The following XYLT1 variants were observed in gnomAD, a reference collection of about 807,000 sequenced individuals.
The protein encoded by XYLT1 is xylosyltransferase 1, also known as beta-D-xylosyltransferase 1.
Under a neutral mutation model 91.3 loss-of-function variants are expected in XYLT1, and 36 were observed. That is an observed-to-expected ratio of 0.39 (90% CI 0.30 to 0.52). XYLT1 has a LOEUF of 0.52. XYLT1 is among the 20% of genes least tolerant of loss of function. The pLI is 0.68. For missense variants in XYLT1, 1,242 were observed against 1,284.5 expected, an observed-to-expected ratio of 0.97 and a Z score of 0.51; for synonymous variants, 588 against 532.0, an observed-to-expected ratio of 1.11 and a Z score of -1.45.
intron 1 of XYLT1, among the ~76,000 whole-genome samples, chr16:17,371,348 A>T (rs1021104418): frequency 2.6e-5 from 4 of 152,226 alleles, no homozygotes; most frequent in Non-Finnish European, 5.9e-5. Context: ...ACCAAAATCA[A>T]CGGAAACCCA....
chr16:17,228,810 C>T (rs2033112846), intron 3 of XYLT1, among the ~76,000 whole-genome samples: 1 of 152,170 alleles, frequency 6.6e-6, no homozygotes. Context: ...CACTTCATAC[C>T]TGGCATTTTA....
At chr16:17,149,977 A>G (rs2031242527) in intron 6 of XYLT1, among the ~76,000 whole-genome samples, 2 of 152,080 alleles carry the variant, frequency 1.3e-5, no homozygotes, top group Non-Finnish European at 2.9e-5. Flanking sequence ...TATCTGTCCT[A>G]TTCTCTCTTC....
At chr16:17,328,861 A>C (rs1286066006) in intron 2 of XYLT1, among the ~76,000 whole-genome samples, 1 of 152,246 alleles carries the variant, frequency 6.6e-6, no homozygotes, top group Non-Finnish European at 1.5e-5. Context: ...ATTCCTTAAA[A>C]GTAAAGCTTA....
At chr16:17,448,595 T>G in intron 1 of XYLT1, among the ~76,000 whole-genome samples, 1 of 149,626 alleles carries the variant, frequency 6.7e-6, no homozygotes, top group Non-Finnish European at 1.5e-5. Flanking sequence ...AGAGGCAGAG[T>G]TGACCAGGCA....
At chr16:17,458,643 T>C (rs1318695554) in intron 1 of XYLT1, among the ~76,000 whole-genome samples, 2 of 152,152 alleles carry the variant, frequency 1.3e-5, no homozygotes, top group African/African-American at 2.4e-5. Flanking sequence ...ACTGGTTAAG[T>C]TGACATTGAC....
chr16:17,381,893 A>G (rs968807478), intron 1 of XYLT1, among the ~76,000 whole-genome samples: 15 of 152,132 alleles, frequency 9.9e-5, no homozygotes, highest in African/African-American at 3.6e-4. Flanking sequence ...GTGGCAATGG[A>G]TGTGGGCTAA....
intron 1 of XYLT1, among the ~76,000 whole-genome samples, chr16:17,379,763 T>TTTCTCACACACA (rs1555501170): frequency 1.4e-4 from 17 of 125,622 alleles, no homozygotes; most frequent in African/African-American, 3.1e-4. Context: ...TCTCTCTCTC[T>TTTCTCACACACA]CACACACACA....
chr16:17,221,207 C>T (rs548220767), intron 3 of XYLT1, among the ~76,000 whole-genome samples: 11 of 152,212 alleles, frequency 7.2e-5, no homozygotes, highest in South Asian at 2.1e-4. Flanking sequence ...AATAAAGCTA[C>T]GGGAAGCTGA....
intron 1 of XYLT1, among the ~76,000 whole-genome samples, chr16:17,428,333 G>A (rs1018838738): frequency 1.3e-5 from 2 of 152,168 alleles, no homozygotes; most frequent in African/African-American, 2.4e-5. Flanking sequence ...GCTTGAGGGT[G>A]CAGCACAAGC....
intron 1 of XYLT1, among the ~76,000 whole-genome samples, chr16:17,450,716 C>CT (rs2036655334): frequency 6.6e-6 from 1 of 152,188 alleles, no homozygotes; most frequent in African/African-American, 2.4e-5. Flanking sequence ...GTCGAGATCA[C>CT]TTTGTCTTGC....
chr16:17,129,977 T>TC (rs1250724484), intron 9 of XYLT1, among the ~76,000 whole-genome samples: 2 of 152,244 alleles, frequency 1.3e-5, no homozygotes, highest in African/African-American at 4.8e-5. Flanking sequence ...AGAAGGGCTG[T>TC]CACGTCAGTT....
intron 5 of XYLT1, among the ~76,000 whole-genome samples, chr16:17,190,368 A>G (rs1482122614): frequency 6.6e-6 from 1 of 152,066 alleles, no homozygotes; most frequent in Non-Finnish European, 1.5e-5. Context: ...ATATGTATAC[A>G]TGTGCCATGT....
At chr16:17,157,529 C>T (rs2031436569) in intron 6 of XYLT1, among the ~76,000 whole-genome samples, 1 of 152,088 alleles carries the variant, frequency 6.6e-6, no homozygotes, top group African/African-American at 2.4e-5. Flanking sequence ...TTAAGACTGG[C>T]TAGAAATCTG....
At chr16:17,258,823 A>G (rs752316887) in intron 3 of XYLT1, among the ~76,000 whole-genome samples, 165 bp downstream of exon 3, 5 of 151,950 alleles carry the variant, frequency 3.3e-5, no homozygotes, top group Non-Finnish European at 7.4e-5. Flanking sequence ...CAAGACTTCA[A>G]CACTCAGGGA....
At chr16:17,281,430 C>T (rs1369015796) in intron 2 of XYLT1, among the ~76,000 whole-genome samples, 1 of 152,192 alleles carries the variant, frequency 6.6e-6, no homozygotes, top group Non-Finnish European at 1.5e-5. Context: ...TGGGTGAGGG[C>T]AGTACTTCCT....
chr16:17,133,428 A>T (rs1197458960), intron 9 of XYLT1, among the ~76,000 whole-genome samples: 3 of 152,236 alleles, frequency 2.0e-5, no homozygotes, highest in Admixed American at 6.5e-5. Context: ...CTGAGAAAAG[A>T]TATTCATCAG....
intron 10 of XYLT1, among the ~76,000 whole-genome samples, chr16:17,124,339 G>GATA (rs1466738006): frequency 6.6e-6 from 1 of 152,148 alleles, no homozygotes; most frequent in Non-Finnish European, 1.5e-5. Flanking sequence ...AATTATCTTA[G>GATA]CATTTTTCTG....
intron 6 of XYLT1, among the ~76,000 whole-genome samples, chr16:17,152,428 A>C (rs1334181220): frequency 6.6e-6 from 1 of 152,228 alleles, no homozygotes; most frequent in African/African-American, 2.4e-5. Flanking sequence ...AGAGAAATGC[A>C]ATCTGCTTTC....
chr16:17,419,429 A>C (rs1299870312), intron 1 of XYLT1, among the ~76,000 whole-genome samples: 4 of 152,092 alleles, frequency 2.6e-5, no homozygotes, highest in Admixed American at 6.6e-5. Flanking sequence ...CTATGCAGTT[A>C]TAGCATGAGC....
Sources: allele counts gnomAD v4.1 joint callset (sites outside exome capture counted in the v4.1 genomes callset), GRCh38; gene constraint gnomAD v4.1.1; transcripts MANE v1.5; gene names NCBI Gene and HGNC (gene_info 2026-07-23, HGNC 2026-07-21).